Variants in MALRD1 observed in about 807,000 individuals in gnomAD.
MALRD1 encodes the protein MAM and LDL-receptor class A domain-containing protein 1.
Under a neutral mutation model 242.1 loss-of-function variants are expected in MALRD1, and 247 were observed. That is an observed-to-expected ratio of 1.02 (90% CI 0.92 to 1.13). The LOEUF is 1.13. Among genes scored for constraint, MALRD1 ranks in the 50% most tolerant of loss-of-function variants. The pLI is 0.00. For synonymous variants in MALRD1, 995 were observed against 866.6 expected (o/e 1.15, Z -2.60); for missense variants, 2,989 against 2,533.1 (o/e 1.18, Z -3.86).
chr10:19,713,609 AAGAC>A (rs1391957389), intron 38 of MALRD1, among the ~76,000 whole-genome samples: 1 of 152,244 alleles, frequency 6.6e-6, no homozygotes, highest in African/African-American at 2.4e-5. Context: ...GGCAATCACA[AAGAC>A]AGCAGTACTG....
chr10:19,521,921 A>G (rs1472775861), intron 31 of MALRD1, among the ~76,000 whole-genome samples: 1 of 151,840 alleles, frequency 6.6e-6, no homozygotes, highest in Non-Finnish European at 1.5e-5. Context: ...TTCTCTCTCA[A>G]TTTCAAATTC....
intron 30 of MALRD1, among the ~76,000 whole-genome samples, chr10:19,495,150 T>C (rs1163454235): frequency 6.6e-6 from 1 of 152,104 alleles, no homozygotes; most frequent in Non-Finnish European, 1.5e-5. Flanking sequence ...CTAATTTTTC[T>C]ATTTTTAGTA....
At chr10:19,363,465 G>T (rs151263111) in intron 26 of MALRD1, among the ~76,000 whole-genome samples, 1 of 152,070 alleles carries the variant, frequency 6.6e-6, no homozygotes, top group East Asian at 1.9e-4. Context: ...ACAAAATGAG[G>T]TCTGAAACTG....
At position 19,520,996 on chromosome 10, in the gene MALRD1, C is replaced by T. The variant is rs3892293; in HGVS notation, c.5321-10198C>T. 3.5e-3 allele frequency among the ~76,000 whole-genome samples: 530 copies of T among 152,198 alleles called. 7 individuals are homozygous for T. The East Asian group carries it at 0.05, about 14-fold the overall frequency. On this transcript the variant is annotated intron_variant, in intron 31 of 39. Transcript: ENST00000454679. The stretch of plus-strand genomic sequence containing the variant: ...GAATACTTAACAAATGTTTCAAGCA[C>T]GACCCAAATGATGCTTGCTTGCTTG...
intron 36 of MALRD1, among the ~76,000 whole-genome samples, chr10:19,617,185 C>A (rs1839195904): frequency 6.6e-6 from 1 of 151,948 alleles, no homozygotes; most frequent in Non-Finnish European, 1.5e-5. Context: ...GCTTTACATT[C>A]TTGGCAACAC....
In MALRD1 at chr10:19,695,360, C is replaced by T. The variant is rs143334538; in HGVS notation, c.6314+2806C>T. ...GCAAAGGAAATTATTTCTTTGCTTA[C>T]GCAGTGTATTAGCCTTTTCTCACAC... On this transcript the variant is annotated intron_variant, in intron 38 of 39. Transcript: ENST00000454679. Among the ~76,000 whole-genome samples, 370 of 152,116 alleles carry T rather than the reference C, an allele frequency of 2.4e-3. 1 individual carries two copies. The highest frequency in any genetic ancestry group is 8.6e-3 in the African/African-American group (357 of 41,504).
At chr10:19,562,398 A>G (rs1836020085) in intron 32 of MALRD1, among the ~76,000 whole-genome samples, 1 of 152,176 alleles carries the variant, frequency 6.6e-6, no homozygotes, top group African/African-American at 2.4e-5. Flanking sequence ...TTCTGGAAGT[A>G]AAACTCATGA....
chr10:19,587,054 C>T (rs750735345), intron 33 of MALRD1, among the ~76,000 whole-genome samples: 33 of 152,360 alleles, frequency 2.2e-4, no homozygotes, highest in Admixed American at 9.1e-4. Context: ...TTGCTCTTCC[C>T]GAGTGAGGCA....
At chr10:19,273,737 T>C (rs569326220) in intron 19 of MALRD1, among the ~76,000 whole-genome samples, 13 of 152,264 alleles carry the variant, frequency 8.5e-5, no homozygotes, top group Admixed American at 4.6e-4. Context: ...GAGGGTAGGA[T>C]GCATAGATGG....
intron 1 of MALRD1, among the ~76,000 whole-genome samples, chr10:19,053,275 T>A: frequency 6.6e-6 from 1 of 152,242 alleles, no homozygotes. Context: ...TAATTGCTTT[T>A]GTTTTTAAAA....
intron 36 of MALRD1, among the ~76,000 whole-genome samples, chr10:19,637,603 G>A (rs1040133995): frequency 5.9e-5 from 9 of 152,046 alleles, no homozygotes; most frequent in Admixed American, 6.6e-5. Context: ...ATTATTTTTG[G>A]AGAGGTTATT....
At chr10:19,337,135 C>A (rs545285099) in intron 24 of MALRD1, among the ~76,000 whole-genome samples, 2 of 151,904 alleles carry the variant, frequency 1.3e-5, no homozygotes, top group Admixed American at 6.6e-5. Flanking sequence ...AGTAAACTTT[C>A]ATATACATAT....
intron 28 of MALRD1, among the ~76,000 whole-genome samples, chr10:19,398,065 C>T (rs886910423): frequency 6.6e-5 from 10 of 151,908 alleles, no homozygotes; most frequent in Non-Finnish European, 1.3e-4. Context: ...GATATTATCC[C>T]TTTGTCAGAT....
At chr10:19,254,333 C>T (rs1337990691) in intron 18 of MALRD1, among the ~76,000 whole-genome samples, 1 of 151,880 alleles carries the variant, frequency 6.6e-6, no homozygotes, top group African/African-American at 2.4e-5. Flanking sequence ...GAATATACTG[C>T]AATTTGCTTA....
intron 28 of MALRD1, among the ~76,000 whole-genome samples, chr10:19,402,961 T>G (rs1846934666): frequency 6.6e-6 from 1 of 151,928 alleles, no homozygotes; most frequent in Non-Finnish European, 1.5e-5. Flanking sequence ...TTTAGTTTTG[T>G]GTCCTCCGTA....
chr10:19,101,138 T>C (rs1363977833), intron 4 of MALRD1, among the ~76,000 whole-genome samples: 1 of 151,372 alleles, frequency 6.6e-6, no homozygotes, highest in Non-Finnish European at 1.5e-5. Flanking sequence ...TATCATTACA[T>C]TGTACAAAGA....
At chr10:19,442,488 A>T (rs1208260161) in intron 28 of MALRD1, among the ~76,000 whole-genome samples, 1 of 152,122 alleles carries the variant, frequency 6.6e-6, no homozygotes, top group East Asian at 1.9e-4. Context: ...TTTGAGATAC[A>T]TCCCATCAAT....
In MALRD1 at chr10:19,242,086, G is replaced by A. The variant is rs192324395; in HGVS notation, c.2992-15598G>A. ...ATACTGCTGATAAAGACATACCTGA[G>A]ACTGGGTAATTTACAGAGAAAAAGA... On this transcript the variant is annotated intron_variant, in intron 18 of 39. Coordinates refer to ENST00000454679, the MANE Select transcript of MALRD1 (RefSeq NM_001142308.3). Among the ~76,000 whole-genome samples the A allele has an allele frequency of 4.0e-4, 61 of 152,268 alleles. 1 individual carries two copies. In the South Asian group the frequency reaches 0.011, roughly 27 times the overall value.
upstream of MALRD1, among the ~76,000 whole-genome samples, chr10:19,048,115 A>G (rs1834384599): frequency 6.6e-6 from 1 of 152,228 alleles, no homozygotes; most frequent in African/African-American, 2.4e-5. Flanking sequence ...TTGTAAAAGT[A>G]AATCGTGATG....
Sources: gnomAD v4.1 joint callset for allele counts (sites outside exome capture counted in the v4.1 genomes callset) on GRCh38, gnomAD v4.1.1 for gene constraint, MANE v1.5 for transcripts, NCBI Gene and HGNC (gene_info 2026-07-23, HGNC 2026-07-21) for gene names.